CCDC73: variants seen among roughly 807,000 people sequenced by gnomAD.
CCDC73 encodes the protein coiled-coil domain containing 73.
In CCDC73, 95 loss-of-function variants were observed where a neutral mutation model predicts 116.5. That is an observed-to-expected ratio of 0.82 (90% CI 0.69 to 0.97). The LOEUF (loss-of-function observed/expected upper bound fraction) is 0.97. Among genes scored for constraint, CCDC73 ranks in the 50% least tolerant of loss-of-function variants. The probability of loss-of-function intolerance (pLI) is 0.00; values close to 1 mark genes in which losing one functional copy is unlikely to be tolerated. For missense variants in CCDC73, 1,066 were observed against 1,206.8 expected, an observed-to-expected ratio of 0.88 and a Z score of 1.73; for synonymous variants, 398 against 401.3, an observed-to-expected ratio of 0.99 and a Z score of 0.10.
the CCDC73 span, among the ~76,000 whole-genome samples, chr11:32,817,597 ATCT>A: frequency 2.6e-5 from 4 of 152,136 alleles, no homozygotes; most frequent in African/African-American, 4.8e-5. Flanking sequence ...TGCCAGATTA[ATCT>A]TCTTAGAGTA....
intron 17 of CCDC73, among the ~76,000 whole-genome samples, chr11:32,610,252 C>T (rs1855408579): frequency 6.6e-6 from 1 of 152,146 alleles, no homozygotes; most frequent in African/African-American, 2.4e-5. Context: ...CTGGGTCCCT[C>T]CCATGACACA....
chr11:32,752,781 T>G lies in CCDC73; in HGVS notation c.135+7328A>C, dbSNP rs138304263. On this transcript the variant is annotated intron_variant, in intron 2 of 17. Transcript: ENST00000335185. The stretch of plus-strand genomic sequence containing the variant: ...TAAGATATTGATTTTTTTATTGTTT[T>G]GCATGTTGCAAATATTTTCTCTGCA... 1.9e-3 allele frequency among the ~76,000 whole-genome samples: 286 copies of G among 152,364 alleles called. 1 individual carries two copies. Among genetic ancestry groups the G allele is most frequent in the African/African-American group, 6.8e-3 (282 of 41,596 alleles).
chr11:32,685,812 C>T (rs752294971), intron 6 of CCDC73, among the ~76,000 whole-genome samples: 11 of 150,594 alleles, frequency 7.3e-5, no homozygotes, highest in Admixed American at 7.3e-4. Context: ...ACCTCTGCCT[C>T]CCAGGTTCAA....
chr11:32,735,638 T>C (rs1850122023), intron 2 of CCDC73, among the ~76,000 whole-genome samples: 1 of 152,192 alleles, frequency 6.6e-6, no homozygotes, highest in Non-Finnish European at 1.5e-5. Context: ...ATGACTTTCT[T>C]CACAGAATTG....
chr11:32,766,562 T>C (rs1178075149), intron 1 of CCDC73, among the ~76,000 whole-genome samples: 1 of 152,130 alleles, frequency 6.6e-6, no homozygotes, highest in African/African-American at 2.4e-5. Context: ...GAAAACCCCA[T>C]CGTCTCAGCC....
At chr11:32,793,855 C>T (rs1850698813) in intron 1 of CCDC73, among the ~76,000 whole-genome samples, 1 of 152,102 alleles carries the variant, frequency 6.6e-6, no homozygotes, top group Non-Finnish European at 1.5e-5. Flanking sequence ...AGGTGATCCG[C>T]CCGCCTCGGC....
In CCDC73 at chr11:32,779,263, C is replaced by CAAAAA. The variant is rs34184527; in HGVS notation, c.-16+15345_-16+15349dup. On this transcript the variant is annotated intron_variant, in intron 1 of 17. Transcript: ENST00000335185. ...TTTCCAATTATGCCTTCATGTGGGG[C>CAAAAA]AAAAAAAAAAAAAAAAAAAGGAGGA... is the stretch of plus-strand genomic sequence containing the variant. Among the ~76,000 whole-genome samples, 190 of 110,030 alleles carry CAAAAA rather than the reference C, an allele frequency of 1.7e-3. 4 individuals carry two copies. Among genetic ancestry groups the CAAAAA allele is most frequent in the African/African-American group, 6.3e-3 (181 of 28,886 alleles). The allele number at this position is 110,030 out of a possible 152,430, so 72.2% of individuals were successfully genotyped here. A position where few individuals can be genotyped will look rare whatever the true frequency, so the allele number is the denominator to read the frequency against.
At chr11:32,797,650 T>C (rs1392906517), upstream of CCDC73, among the ~76,000 whole-genome samples, 13 of 152,236 alleles carry the variant, frequency 8.5e-5, no homozygotes, top group Admixed American at 5.2e-4. Flanking sequence ...TCTCTCCTAA[T>C]AGACTGTGAA....
intron 17 of CCDC73, chr11:32,605,406 T>A (rs867383191): frequency 6.6e-6 from 1 of 152,160 alleles, no homozygotes; most frequent in Non-Finnish European, 1.5e-5. Flanking sequence ...GGCAAGTCAT[T>A]TAATTTTTCT....
At chr11:32,830,191 AG>A in the CCDC73 span, 2 of 1,057,470 alleles carry the variant, frequency 1.9e-6, no homozygotes, top group Non-Finnish European at 2.3e-6. Flanking sequence ...GCCTGGCGGC[AG>A]GACCTCGGCG....
chr11:32,719,995 TAC>T (rs1396390331), intron 2 of CCDC73, among the ~76,000 whole-genome samples: 9 of 152,152 alleles, frequency 5.9e-5, no homozygotes, highest in Non-Finnish European at 2.9e-5. Flanking sequence ...ACACCACTTT[TAC>T]ACAGTCTCTT....
chr11:32,796,236 C>G (rs924327633), upstream of CCDC73, among the ~76,000 whole-genome samples: 2 of 152,228 alleles, frequency 1.3e-5, no homozygotes, highest in African/African-American at 4.8e-5. Flanking sequence ...TTCGTGAAAA[C>G]AGAGATGAAT....
chr11:32,606,878 G>A (rs537226102), intron 17 of CCDC73, among the ~76,000 whole-genome samples: 20 of 128,980 alleles, frequency 1.6e-4, no homozygotes, highest in Admixed American at 3.6e-4. Context: ...TGGCACAATC[G>A]GCTCACTGCA....
intron 16 of CCDC73, among the ~76,000 whole-genome samples, chr11:32,612,684 C>T (rs1262583932): frequency 6.6e-6 from 1 of 151,832 alleles, no homozygotes; most frequent in African/African-American, 2.4e-5. Context: ...TTGCAGTGAG[C>T]TATGATCACA....
At chr11:32,770,484 A>G (rs1850483448) in intron 1 of CCDC73, among the ~76,000 whole-genome samples, 1 of 152,202 alleles carries the variant, frequency 6.6e-6, no homozygotes, top group African/African-American at 2.4e-5. Flanking sequence ...CAATATATAA[A>G]TAATTACCAG....
intron 3 of CCDC73, among the ~76,000 whole-genome samples, chr11:32,713,599 ATGCCTACAAC>A (rs1158356842): frequency 1.3e-5 from 2 of 152,100 alleles, no homozygotes; most frequent in Non-Finnish European, 2.9e-5. Context: ...CTATTTTGGA[ATGCCTACAAC>A]TGGCTCCAGA....
At position 32,755,781 on chromosome 11, in the gene CCDC73, A is replaced by G. The variant is rs1850334095; in HGVS notation, c.135+4328T>C. ...TATATCTCCATATATATGTGTATAT[A>G]TATATATCTCCATATATGTGTATAT... On this transcript the variant is annotated intron_variant, in intron 2 of 17. Transcript: ENST00000335185. 4.9e-5 allele frequency among the ~76,000 whole-genome samples: 6 copies of G among 123,640 alleles called. 1 individual carries two copies. Among genetic ancestry groups the G allele is most frequent in the Non-Finnish European group, 3.2e-5 (2 of 62,800 alleles). The allele number at this position is 123,640 out of a possible 152,430, so 81.1% of individuals were successfully genotyped here. A position where few individuals can be genotyped will look rare whatever the true frequency, so the allele number is the denominator to read the frequency against.
At chr11:32,672,187 C>T (rs2133283939) in intron 9 of CCDC73, among the ~76,000 whole-genome samples, 1 of 152,120 alleles carries the variant, frequency 6.6e-6, no homozygotes, top group East Asian at 1.9e-4. Context: ...ACTAAAAATA[C>T]AAAAATTAGC....
At chr11:32,715,498 G>GCGCA (rs1554966476) in intron 3 of CCDC73, among the ~76,000 whole-genome samples, 7 of 148,468 alleles carry the variant, frequency 4.7e-5, no homozygotes, top group African/African-American at 1.7e-4. Flanking sequence ...TGATACACAC[G>GCGCA]CACACACACA....
Sources: allele counts gnomAD v4.1 joint callset (sites outside exome capture counted in the v4.1 genomes callset), GRCh38; gene constraint gnomAD v4.1.1; transcripts MANE v1.5; gene names NCBI Gene and HGNC (gene_info 2026-07-23, HGNC 2026-07-21).